The following ADD2 variants were observed in gnomAD, a reference collection of about 807,000 sequenced individuals.
ADD2 encodes adducin 2.
In ADD2, 23 loss-of-function variants were observed where a neutral mutation model predicts 83.0. The ratio of observed to expected loss-of-function variants is 0.28; its 90% confidence interval spans 0.20 to 0.39. The LOEUF is 0.39. ADD2 is among the 10% of genes least tolerant of loss of function. The pLI is 1.00. For synonymous variants in ADD2, 375 were observed against 375.4 expected (o/e 1.00, Z 0.01); for missense variants, 758 against 944.9 (o/e 0.80, Z 2.59).
At chr2:70,721,684 T>C (rs1194428948) in intron 1 of ADD2, among the ~76,000 whole-genome samples, 1 of 152,226 alleles carries the variant, frequency 6.6e-6, no homozygotes, top group African/African-American at 2.4e-5. Flanking sequence ...AATAGTGACT[T>C]TTAATGTCTC....
chr2:70,668,348 G>A (rs1486244168), intron 15 of ADD2, among the ~76,000 whole-genome samples: 2 of 152,012 alleles, frequency 1.3e-5, no homozygotes, highest in African/African-American at 2.4e-5. Flanking sequence ...CCTGTCTGCC[G>A]CTCCAAGCAT....
Position 70,706,525 on chromosome 2 carries a change from A to G in ADD2, c.-34-83T>C. 7.7e-7 allele frequency: 1 copy of G among 1,297,044 alleles called. No homozygotes were observed. The highest frequency in any genetic ancestry group is 1.5e-5 in the South Asian group (1 of 66,086). 80.3% of individuals were successfully genotyped at this position (1,297,044 alleles called of 1,614,324 possible). On this transcript the variant is annotated intron_variant, in intron 2 of 15. Coordinates refer to ENST00000264436, the MANE Select transcript of ADD2 (RefSeq NM_001617.4). This position sits in a 1 kb window ranked among gnomAD's most constrained non-coding sequence, Gnocchi z 5.0. Reference sequence around the variant, plus strand: ...TTTCTCAGAGCACAGGGCTAGGTTCAGTTGGATTCTCAGTGGGGTACGGCT... The same window carrying G: ...TTTCTCAGAGCACAGGGCTAGGTTCGGTTGGATTCTCAGTGGGGTACGGCT...
At chr2:70,723,007 A>C (rs1672808615) in intron 1 of ADD2, among the ~76,000 whole-genome samples, 1 of 152,198 alleles carries the variant, frequency 6.6e-6, no homozygotes, top group African/African-American at 2.4e-5. Flanking sequence ...AGTAGGAGAG[A>C]AAATTAAAAA....
chr2:70,677,403 G>GC (rs1670215836), intron 12 of ADD2, among the ~76,000 whole-genome samples: 2 of 152,146 alleles, frequency 1.3e-5, no homozygotes, highest in East Asian at 3.9e-4. Flanking sequence ...AAAAATACAC[G>GC]CAAGTGAACT....
rs531111618 is a variant in ADD2, at chr2:70,659,130, G to C, written c.*4295C>G. On this transcript the variant is annotated 3_prime_UTR_variant, in exon 16 of 16. Transcript: ENST00000264436. ...ACTGCACTCCAGCCTGGGCAACAAA[G>C]AGCAAAGCTCCGTCTAAAAAAAAAA... is the stretch of plus-strand genomic sequence containing the variant. 4.6e-5 allele frequency: 3 copies of C among 64,954 alleles called. No homozygotes were observed. The highest frequency in any genetic ancestry group is 0.016 in the Middle Eastern group (1 of 62). The allele number at this position is 64,954 out of a possible 1,614,324, so 4.0% of individuals were successfully genotyped here.
In ADD2 at chr2:70,660,916, C is replaced by G. The variant is rs75903807; in HGVS notation, c.*2509G>C. On this transcript the variant is annotated 3_prime_UTR_variant, in exon 16 of 16. Transcript: ENST00000264436. ...CCTGTTTTGCAATTTGTCTATACAC[C>G]TCCTATGCTCATGAACTTCTTGAGG... 0.019 allele frequency: 2,967 copies of G among 152,278 alleles called. 66 individuals are homozygous for G. The highest frequency in any genetic ancestry group is 0.057 in the Admixed American group (876 of 15,276). The allele number at this position is 152,278 out of a possible 1,614,324, so 9.4% of individuals were successfully genotyped here.
chr2:70,686,683 C>T (rs782678853), intron 9 of ADD2, among the ~76,000 whole-genome samples: 3 of 152,198 alleles, frequency 2.0e-5, no homozygotes, highest in Non-Finnish European at 4.4e-5. Flanking sequence ...ATCCCAGAGG[C>T]TCCACCAGAT....
At chr2:70,667,914 C>T (rs1401729904) in intron 15 of ADD2, among the ~76,000 whole-genome samples, 2 of 152,110 alleles carry the variant, frequency 1.3e-5, no homozygotes, top group Non-Finnish European at 2.9e-5. Flanking sequence ...CCACCATGCC[C>T]GTCCAGGATT....
chr2:70,716,479 G>C lies in ADD2; in HGVS notation c.-153-3295C>G, dbSNP rs76948861. On this transcript the variant is annotated intron_variant, in intron 1 of 15. Transcript: ENST00000264436. ...CCTGCCCCCTACACCCCCGCCCTGG[G>C]CTTTCACATCACTTTTACTTGCCTC... Among the ~76,000 whole-genome samples, 1,312 of 152,220 alleles carry C rather than the reference G, an allele frequency of 8.6e-3. 13 individuals carry two copies. The highest frequency in any genetic ancestry group is 0.03 in the African/African-American group (1,258 of 41,528).
At chr2:70,667,724 T>C (rs1553366395) in intron 15 of ADD2, among the ~76,000 whole-genome samples, 2 of 147,800 alleles carry the variant, frequency 1.4e-5, no homozygotes, top group Non-Finnish European at 1.5e-5. Flanking sequence ...GTTCAAGTGA[T>C]TGTCCTGCCT....
chr2:70,739,891 G>A (rs1415695362), intron 1 of ADD2, among the ~76,000 whole-genome samples: 4 of 152,148 alleles, frequency 2.6e-5, no homozygotes, highest in African/African-American at 9.7e-5. Context: ...GTGGGAGAAG[G>A]GAGAGATCAG....
At chr2:70,688,979 C>A (rs1178470709) in intron 8 of ADD2, among the ~76,000 whole-genome samples, 2 of 152,018 alleles carry the variant, frequency 1.3e-5, no homozygotes, top group Non-Finnish European at 2.9e-5. Flanking sequence ...ATGGGGCCTG[C>A]CTGTAGTCCC....
intron 15 of ADD2, among the ~76,000 whole-genome samples, chr2:70,665,810 G>GTTTTTTTTTTTTTT (rs879978891): frequency 7.4e-6 from 1 of 135,786 alleles, no homozygotes. Context: ...GATCACACTT[G>GTTTTTTTTTTTTTT]TTTTTTTGTT....
At chr2:70,749,888 T>G (rs1553382645) in intron 1 of ADD2, among the ~76,000 whole-genome samples, 2 of 152,186 alleles carry the variant, frequency 1.3e-5, no homozygotes, top group African/African-American at 4.8e-5. Context: ...GGAATGGAAA[T>G]AAGTCCCTAT....
chr2:70,683,381 T>C (rs1271375879), intron 10 of ADD2, among the ~76,000 whole-genome samples: 2 of 152,178 alleles, frequency 1.3e-5, no homozygotes, highest in Non-Finnish European at 2.9e-5. Context: ...CCACAGCACT[T>C]AGTTGTGGGT....
In ADD2 at chr2:70,657,561, G is replaced by A. The variant is rs1441484096; in HGVS notation, c.*5864C>T. On this transcript the variant is annotated 3_prime_UTR_variant, in exon 16 of 16. Transcript: ENST00000264436. ...GAGGTGGAGTGGAAGTGTGGGGGTG[G>A]GGTTCCCTGAAATATATTCCCATTT... 6.6e-6 allele frequency: 1 copy of A among 152,126 alleles called. No individual in the cohort carries two copies. Among genetic ancestry groups the A allele is most frequent in the African/African-American group, 2.4e-5 (1 of 41,414 alleles). The allele number at this position is 152,126 out of a possible 1,614,324, so 9.4% of individuals were successfully genotyped here.
intron 1 of ADD2, among the ~76,000 whole-genome samples, chr2:70,766,829 A>G (rs1553386122): frequency 6.6e-6 from 1 of 152,248 alleles, no homozygotes; most frequent in African/African-American, 2.4e-5. Flanking sequence ...TGAATCTTAG[A>G]CGACAAACAG....
At chr2:70,766,226 T>C (rs782562607) in intron 1 of ADD2, among the ~76,000 whole-genome samples, 1 of 152,190 alleles carries the variant, frequency 6.6e-6, no homozygotes, top group Non-Finnish European at 1.5e-5. Context: ...GAATAATTTA[T>C]CTTTAGTGGT....
chr2:70,747,428 AT>A (rs34719997), intron 1 of ADD2, among the ~76,000 whole-genome samples: 40,099 of 151,186 alleles, frequency 0.27, 5,858 homozygotes, highest in East Asian at 0.56. Flanking sequence ...GTGCTCTCCC[AT>A]CATGCCATGT....
Sources: allele counts gnomAD v4.1 joint callset (sites outside exome capture counted in the v4.1 genomes callset), GRCh38; gene constraint gnomAD v4.1.1; non-coding constraint Gnocchi (gnomAD v3.1); transcripts MANE v1.5; gene names NCBI Gene and HGNC (gene_info 2026-07-23, HGNC 2026-07-21).